KANK1: variants seen among roughly 807,000 people sequenced by gnomAD.
KANK1 encodes KN motif and ankyrin repeat domains 1.
Under a neutral mutation model 106.2 loss-of-function variants are expected in KANK1, and 109 were observed. That is an observed-to-expected ratio of 1.03 (90% CI 0.88 to 1.20). The LOEUF is 1.20. KANK1 is among the 50% of genes most tolerant of loss of function. The pLI, the probability that KANK1 is intolerant of heterozygous loss-of-function variation, is 0.00. For missense variants in KANK1, 2,399 were observed against 1,710.7 expected, an observed-to-expected ratio of 1.40 and a Z score of -7.10; for synonymous variants, 873 against 652.2, an observed-to-expected ratio of 1.34 and a Z score of -5.16.
chr9:654,932 G>A (rs1489879004), intron 1 of KANK1, among the ~76,000 whole-genome samples: 1 of 152,062 alleles, frequency 6.6e-6, no homozygotes, highest in East Asian at 1.9e-4. Flanking sequence ...CTCGGAACAC[G>A]TTTTGAGAAC....
intron 3 of KANK1, among the ~76,000 whole-genome samples, chr9:717,163 T>A (rs1047881501): frequency 6.6e-6 from 1 of 151,844 alleles, no homozygotes; most frequent in Non-Finnish European, 1.5e-5. Flanking sequence ...CAGATGCCCG[T>A]AGTCCCAGCT....
chr9:572,666 C>T (rs1819514955), intron 1 of KANK1, among the ~76,000 whole-genome samples: 1 of 152,146 alleles, frequency 6.6e-6, no homozygotes, highest in African/African-American at 2.4e-5. Context: ...ACTGGGATTA[C>T]AATATGGACA....
At chr9:588,076 A>G (rs932095127) in intron 1 of KANK1, among the ~76,000 whole-genome samples, 5 of 82,224 alleles carry the variant, frequency 6.1e-5, no homozygotes, top group African/African-American at 1.2e-4. Context: ...AAGAAAAAAA[A>G]AAAGAAAGAA....
chr9:509,212 C>T (rs1417102591), intron 1 of KANK1, among the ~76,000 whole-genome samples: 12 of 152,190 alleles, frequency 7.9e-5, no homozygotes, highest in Admixed American at 7.9e-4. Context: ...ATTCTCCTGC[C>T]TCAGCCTCCC....
chr9:676,707 A>G (rs752179392), intron 1 of KANK1, among the ~76,000 whole-genome samples, 183 bp from the exon 2 acceptor site: 2 of 152,224 alleles, frequency 1.3e-5, no homozygotes, highest in Admixed American at 6.5e-5. Context: ...CCACTGGTAC[A>G]TCCGTGGGTG....
intron 1 of KANK1, among the ~76,000 whole-genome samples, chr9:619,163 T>A (rs567275360): frequency 9.8e-5 from 15 of 152,316 alleles, no homozygotes; most frequent in Non-Finnish European, 1.9e-4. Flanking sequence ...AGTTCTTGCT[T>A]TACAGCCAAT....
At chr9:522,083 A>C (rs554549012) in intron 1 of KANK1, among the ~76,000 whole-genome samples, 2 of 151,806 alleles carry the variant, frequency 1.3e-5, no homozygotes, top group African/African-American at 4.9e-5. Flanking sequence ...GATTTGTTGA[A>C]TAATGTAAAT....
At chr9:612,008 G>A (rs753940373) in intron 1 of KANK1, among the ~76,000 whole-genome samples, 1 of 152,148 alleles carries the variant, frequency 6.6e-6, no homozygotes, top group African/African-American at 2.4e-5. Flanking sequence ...GTGAGCCACC[G>A]CGCCCGGCCG....
chr9:707,016 G>T, intron 2 of KANK1: 1 of 985,486 alleles, frequency 1.0e-6, no homozygotes, highest in Non-Finnish European at 1.2e-6. Context: ...AAGAAAACAG[G>T]GAATGCGGAA....
chr9:605,471 A>G (rs1263731930), intron 1 of KANK1, among the ~76,000 whole-genome samples: 2 of 151,752 alleles, frequency 1.3e-5, no homozygotes, highest in African/African-American at 4.9e-5. Context: ...GCGTACACTC[A>G]GTCTTTAAGA....
rs113586916 is a variant in KANK1, at chr9:732,474, A to AGAGGAG, written c.3114_3119dup (p.Glu1038_Glu1039dup). The AGAGGAG allele has an allele frequency of 2.1e-5, 34 of 1,612,540 alleles. No individual in the cohort carries two copies. The African/African-American group carries it at 2.4e-4, about 11-fold the overall frequency. On this transcript the variant is annotated inframe_insertion, in exon 6 of 12. Coordinates refer to ENST00000382297, the MANE Select transcript of KANK1 (RefSeq NM_015158.5). ...ATGTCATTGAGTATCCTCTTGAAGAAGAGGAGGAGGAGGAGGATGAAGACA... is the reference window on the plus strand; with the variant it reads ...ATGTCATTGAGTATCCTCTTGAAGAAGAGGAGGAGGAGGAGGAGGAGGATGAAGACA...
intron 1 of KANK1, among the ~76,000 whole-genome samples, chr9:596,436 C>T (rs368863282): frequency 2.6e-5 from 4 of 151,910 alleles, no homozygotes; most frequent in African/African-American, 4.9e-5. Flanking sequence ...GGCTGGCTGT[C>T]CTCTGAGCCC....
intron 1 of KANK1, among the ~76,000 whole-genome samples, chr9:614,576 T>C (rs2136226350): frequency 6.6e-6 from 1 of 152,158 alleles, no homozygotes; most frequent in East Asian, 1.9e-4. Context: ...TGTGTGGGAC[T>C]GTCTCGTGTG....
intron 1 of KANK1, among the ~76,000 whole-genome samples, chr9:572,679 A>T (rs1053503446): frequency 6.6e-6 from 1 of 152,180 alleles, no homozygotes; most frequent in African/African-American, 2.4e-5. Context: ...TATGGACATA[A>T]GCCACCATGT....
chr9:690,883 C>A (rs1001244300), intron 2 of KANK1, among the ~76,000 whole-genome samples: 3 of 152,204 alleles, frequency 2.0e-5, no homozygotes, highest in African/African-American at 7.2e-5. Context: ...CCAGCAGGTT[C>A]CTTTTCTCAC....
chr9:542,100 A>T (rs1463397217), intron 1 of KANK1, among the ~76,000 whole-genome samples: 1 of 152,168 alleles, frequency 6.6e-6, no homozygotes, highest in East Asian at 1.9e-4. Flanking sequence ...AAAAAAAAAA[A>T]TGAACAGAGG....
In KANK1 at chr9:711,611, G is replaced by T. The variant is rs752429506; in HGVS notation, c.845G>T (p.Arg282Leu). The change falls in exon 3 of 12, where the codon CGA becomes CTA. Residue 282 changes from arginine (R) to leucine (L), a missense_variant. Physicochemically the swap from Arg to Leu is moderately radical, Grantham distance 102. Coordinates refer to ENST00000382297, the MANE Select transcript of KANK1 (RefSeq NM_015158.5). ...KRLKELEEQV[R>L]TIPVLQVKIS... The stretch of plus-strand genomic sequence containing the variant: ...CTGAAGGAGCTGGAGGAGCAGGTGC[G>T]AACCATCCCTGTGCTCCAGGTAAAG... The T allele has an allele frequency of 6.2e-7, 1 of 1,614,020 alleles. No individual in the cohort carries two copies. Among genetic ancestry groups the T allele is most frequent in the Middle Eastern group, 1.6e-4 (1 of 6,062 alleles).
chr9:745,496 A>T lies in KANK1; in HGVS notation c.*261A>T. On this transcript the variant is annotated 3_prime_UTR_variant, in exon 12 of 12. Transcript: ENST00000382297. Reference sequence around the variant, plus strand: ...GTTGAGTCTCTGCTCCGTTTTGTACAGTCACAGGGAATTCTGATCTGAAGG... The same window carrying T: ...GTTGAGTCTCTGCTCCGTTTTGTACTGTCACAGGGAATTCTGATCTGAAGG... 1 of 340,104 alleles carries T rather than the reference A, an allele frequency of 2.9e-6. No individual in the cohort carries two copies. Among genetic ancestry groups the T allele is most frequent in the Non-Finnish European group, 5.4e-6 (1 of 186,282 alleles). 21.1% of individuals were successfully genotyped at this position (340,104 alleles called of 1,614,324 possible). A position where few individuals can be genotyped will look rare whatever the true frequency, so the allele number is the denominator to read the frequency against.
intron 1 of KANK1, among the ~76,000 whole-genome samples, chr9:566,248 C>T (rs767472079): frequency 1.3e-5 from 2 of 152,118 alleles, no homozygotes; most frequent in African/African-American, 4.8e-5. Flanking sequence ...TTTCTTTATC[C>T]ACTGTACCAC....
Sources: gnomAD v4.1 joint callset for allele counts (sites outside exome capture counted in the v4.1 genomes callset) on GRCh38, gnomAD v4.1.1 for gene constraint, MANE v1.5 for transcripts, NCBI Gene and HGNC (gene_info 2026-07-23, HGNC 2026-07-21) for gene names.